The following AK7 variants were observed in gnomAD, a reference collection of about 807,000 sequenced individuals.
AK7 encodes the protein ATP-AMP transphosphorylase 7.
A neutral mutation model predicts 96.6 loss-of-function variants in AK7; 78 were observed. That is an observed-to-expected ratio of 0.81 (90% confidence interval 0.67 to 0.97). The LOEUF (loss-of-function observed/expected upper bound fraction) is 0.97. AK7 is among the 50% of genes least tolerant of loss of function. The pLI is 0.00. For missense variants in AK7, 855 were observed against 887.9 expected (o/e 0.96, Z 0.47); for synonymous variants, 302 against 317.2 (o/e 0.95, Z 0.51).
Position 96,485,834 on chromosome 14 carries a change from C to T in AK7, c.1975-1064C>T, listed in dbSNP as rs550048980. Reference sequence around the variant, plus strand: ...TTTTTGAGACGGAGTCTTGCTCTGTCGCCCAGGCTGGAGTGCAGTGTTACG... The same window carrying T: ...TTTTTGAGACGGAGTCTTGCTCTGTTGCCCAGGCTGGAGTGCAGTGTTACG... On this transcript the variant is annotated intron_variant, in intron 16 of 17. Transcript: ENST00000267584. Among the ~76,000 whole-genome samples, 16 of 143,472 alleles carry T rather than the reference C, an allele frequency of 1.1e-4. No individual in the cohort carries two copies. The South Asian group carries it at 2.4e-3, about 22-fold the overall frequency. 94.1% of individuals were successfully genotyped at this position (143,472 alleles called of 152,430 possible). A position where few individuals can be genotyped will look rare whatever the true frequency, so the allele number is the denominator to read the frequency against.
chr14:96,443,056 C>CT (rs1407077795), intron 7 of AK7, among the ~76,000 whole-genome samples: 6 of 152,170 alleles, frequency 3.9e-5, no homozygotes, highest in African/African-American at 1.4e-4. Context: ...CTCTTAGAAA[C>CT]TATCGACAGA....
intron 12 of AK7, among the ~76,000 whole-genome samples, chr14:96,463,237 C>A (rs780546102): frequency 2.0e-5 from 3 of 152,096 alleles, no homozygotes; most frequent in Non-Finnish European, 2.9e-5. Context: ...ATTAACATTG[C>A]GTTCTTTTCT....
intron 3 of AK7, among the ~76,000 whole-genome samples, chr14:96,407,942 A>G (rs1261595492): frequency 2.0e-5 from 3 of 152,218 alleles, no homozygotes; most frequent in Admixed American, 6.5e-5. Context: ...AGCCAAATAC[A>G]TTCAAGGAGA....
intron 5 of AK7, chr14:96,424,200 C>G (rs113912536): frequency 1.8e-6 from 1 of 560,548 alleles, no homozygotes; most frequent in Non-Finnish European, 3.3e-6. Context: ...GGACCGCTGT[C>G]TGAGGTTCAC....
intron 5 of AK7, among the ~76,000 whole-genome samples, chr14:96,429,003 A>G (rs1376226841): frequency 1.3e-5 from 2 of 152,088 alleles, no homozygotes; most frequent in African/African-American, 2.4e-5. Context: ...TTCTGTTGCC[A>G]TTGCTTTTGG....
intron 17 of AK7, chr14:96,488,070 A>G: frequency 2.4e-6 from 1 of 415,092 alleles, no homozygotes; most frequent in South Asian, 2.3e-5. Context: ...CTGCCACCAC[A>G]CTCAGCTAAT....
intron 3 of AK7, among the ~76,000 whole-genome samples, chr14:96,407,120 T>C (rs1194400460): frequency 2.0e-5 from 3 of 152,174 alleles, no homozygotes. Context: ...TATCTGCATA[T>C]AGATGAAGGG....
At chr14:96,434,650 C>A (rs1189490816) in intron 5 of AK7, among the ~76,000 whole-genome samples, 1 of 152,066 alleles carries the variant, frequency 6.6e-6, no homozygotes, top group Non-Finnish European at 1.5e-5. Flanking sequence ...GTGGCATAAC[C>A]AGCCAGGTCT....
At chr14:96,434,077 G>C (rs1478668510) in intron 5 of AK7, among the ~76,000 whole-genome samples, 1 of 152,140 alleles carries the variant, frequency 6.6e-6, no homozygotes, top group Non-Finnish European at 1.5e-5. Context: ...TAGTTCATTT[G>C]GTGAGGTCAT....
At position 96,456,262 on chromosome 14, in the gene AK7, G is replaced by T. The variant is rs1014773328; in HGVS notation, c.1099-85G>T. On this transcript the variant is annotated intron_variant, in intron 10 of 17. Coordinates refer to ENST00000267584, the MANE Select transcript of AK7 (RefSeq NM_152327.5). ...TCAAAAAAAAAAAAAAAAAAAAAAA[G>T]CACTCCCCTGAAATAAAAAACCACT... 2.4e-4 allele frequency: 120 copies of T among 504,720 alleles called. 4 individuals are homozygous for T. The highest frequency in any genetic ancestry group is 3.1e-4 in the Non-Finnish European group (114 of 369,260). 31.3% of individuals were successfully genotyped at this position (504,720 alleles called of 1,614,324 possible). A position where few individuals can be genotyped will look rare whatever the true frequency, so the allele number is the denominator to read the frequency against.
At chr14:96,443,665 C>T (rs1893074753) in intron 7 of AK7, among the ~76,000 whole-genome samples, 1 of 152,052 alleles carries the variant, frequency 6.6e-6, no homozygotes, top group African/African-American at 2.4e-5. Context: ...CAGGGATATC[C>T]AATCTTTCGG....
At chr14:96,438,516 C>T (rs984069644) in intron 6 of AK7, among the ~76,000 whole-genome samples, 2 of 152,166 alleles carry the variant, frequency 1.3e-5, no homozygotes, top group African/African-American at 4.8e-5. Context: ...ATTGTTACTG[C>T]AAAGAAGTGA....
chr14:96,449,401 T>C (rs1183506301), intron 8 of AK7, among the ~76,000 whole-genome samples: 3 of 151,838 alleles, frequency 2.0e-5, no homozygotes, highest in Admixed American at 1.3e-4. Flanking sequence ...AATTCAATTA[T>C]GTTCACATTC....
At chr14:96,394,108 C>CA (rs111317791) in intron 1 of AK7, among the ~76,000 whole-genome samples, 4,391 of 132,342 alleles carry the variant, frequency 0.033, 128 homozygotes, top group African/African-American at 0.082. Context: ...AACTCCATCT[C>CA]AAAAAAAAAA....
At chr14:96,419,969 A>G (rs546347918) in intron 4 of AK7, among the ~76,000 whole-genome samples, 42 of 151,284 alleles carry the variant, frequency 2.8e-4, no homozygotes, top group African/African-American at 9.9e-4. Context: ...TTGTATTTTT[A>G]GCAGAGACGG....
At position 96,483,030 on chromosome 14, in the gene AK7, A is replaced by G; in HGVS notation, c.1785A>G (p.Arg595=). ...GAAAACTTGAAGATGCTCAGAATAG[A>G]CTTGCTATCAAACAGCTCATCAAAG... is the stretch of plus-strand genomic sequence containing the variant. ...DVGKLEDAQN[R]LAIKQLIKEI... is the part of the protein sequence containing the mutation. The change falls in exon 16 of 18, where the codon AGA becomes AGG. Residue 595 remains arginine, a synonymous_variant. Coordinates refer to ENST00000267584, the MANE Select transcript of AK7 (RefSeq NM_152327.5). 1 of 1,614,224 alleles carries G rather than the reference A, an allele frequency of 6.2e-7. No individual in the cohort carries two copies. Among genetic ancestry groups the G allele is most frequent in the Non-Finnish European group, 8.5e-7 (1 of 1,180,048 alleles).
At chr14:96,418,354 A>G (rs1168832590) in intron 4 of AK7, among the ~76,000 whole-genome samples, 1 of 143,370 alleles carries the variant, frequency 7.0e-6, no homozygotes, top group Non-Finnish European at 1.5e-5. Flanking sequence ...AAATCCTTCC[A>G]TAGCCTTTTA....
intron 16 of AK7, among the ~76,000 whole-genome samples, chr14:96,484,926 G>C (rs1287313659): frequency 6.6e-6 from 1 of 152,218 alleles, no homozygotes; most frequent in Non-Finnish European, 1.5e-5. Context: ...AGGGAGAAAG[G>C]AAGGAAGAAA....
At chr14:96,474,886 A>C (rs1348706768) in intron 14 of AK7, among the ~76,000 whole-genome samples, 1 of 152,266 alleles carries the variant, frequency 6.6e-6, no homozygotes, top group East Asian at 1.9e-4. Flanking sequence ...CCTGCAAGGC[A>C]GGAATTACAC....
Sources: gnomAD v4.1 joint callset for allele counts (sites outside exome capture counted in the v4.1 genomes callset) on GRCh38, gnomAD v4.1.1 for gene constraint, MANE v1.5 for transcripts, NCBI Gene and HGNC (gene_info 2026-07-23, HGNC 2026-07-21) for gene names.